The following CASQ1 variants were observed in gnomAD, a reference collection of about 807,000 sequenced individuals.
CASQ1 encodes calsequestrin-1.
A neutral mutation model predicts 49.5 loss-of-function variants in CASQ1; 40 were observed. The ratio of observed to expected loss-of-function variants is 0.81; its 90% confidence interval spans 0.63 to 1.05. CASQ1 has a LOEUF of 1.05. Ranked by LOEUF, CASQ1 falls within the 50% of genes least tolerant of loss-of-function variation. CASQ1 has a pLI of 0.00. For synonymous variants in CASQ1, 174 were observed against 187.2 expected, an observed-to-expected ratio of 0.93 and a Z score of 0.58; for missense variants, 469 against 486.9, an observed-to-expected ratio of 0.96 and a Z score of 0.35.
chr1:160,194,545 C>T (rs1258352607), intron 3 of CASQ1, among the ~76,000 whole-genome samples: 1 of 148,928 alleles, frequency 6.7e-6, no homozygotes, highest in Non-Finnish European at 1.5e-5. Context: ...TGCGCACACA[C>T]ACACCACATG....
intron 10 of CASQ1, 37 bp from the exon 11 acceptor site, chr1:160,201,208 G>C: frequency 6.2e-7 from 1 of 1,602,578 alleles, no homozygotes; most frequent in South Asian, 1.1e-5. Flanking sequence ...GACCCGGGTT[G>C]GACTTAGCTT....
At chr1:160,198,872 G>A (rs1223181976) in intron 8 of CASQ1, 81 bp from the exon 9 acceptor site, 3 of 1,156,524 alleles carry the variant, frequency 2.6e-6, no homozygotes, top group Non-Finnish European at 3.9e-6. Flanking sequence ...GGGGAGCAGG[G>A]AGGTAGCTCT....
rs996084302 is a variant in CASQ1 at position 160,199,137 on chromosome 1, G to C, written c.984+84G>C. 8.8e-5 allele frequency: 80 copies of C among 906,612 alleles called. No homozygotes were observed. The African/African-American group carries it at 9.6e-4, about 11-fold the overall frequency. 56.2% of individuals were successfully genotyped at this position (906,612 alleles called of 1,614,324 possible). On this transcript the variant is annotated intron_variant, in intron 9 of 10. Transcript: ENST00000368078. ...TCTTAGTGAGGGCTTTGTTTCAGAG[G>C]TCCCATCCCCACCTCCTAGCTGGGG...
intron 4 of CASQ1, 60 bp from the exon 5 acceptor site, chr1:160,195,401 G>A (rs1035006866): frequency 6.8e-7 from 1 of 1,479,142 alleles, no homozygotes; most frequent in Non-Finnish European, 9.5e-7. Context: ...CGATAGTGGG[G>A]GATGATTCCC....
chr1:160,194,126 C>G (rs1046010621), intron 3 of CASQ1, among the ~76,000 whole-genome samples: 10 of 149,686 alleles, frequency 6.7e-5, no homozygotes, highest in Admixed American at 5.3e-4. Flanking sequence ...ACCACACACA[C>G]TACACACACC....
At chr1:160,195,660 C>CA (rs1197567003) in intron 5 of CASQ1, 126 bp downstream of exon 5, 9 of 815,886 alleles carry the variant, frequency 1.1e-5, no homozygotes, top group South Asian at 4.9e-5. Context: ...CTGCCCCCCC[C>CA]CCCGGCTCCT....
At position 160,197,556 on chromosome 1, in the gene CASQ1, C is replaced by T; in HGVS notation, c.783-13C>T. 1.2e-6 allele frequency: 2 copies of T among 1,603,050 alleles called. No homozygotes were observed. The highest frequency in any genetic ancestry group is 1.7e-6 in the Non-Finnish European group (2 of 1,169,920). On this transcript the variant is annotated splice_polypyrimidine_tract_variant and intron_variant, in intron 6 of 10. Transcript: ENST00000368078. Reference sequence around the variant, plus strand: ...AACCCACTGAGTAATGACACTCTGTCTGTCTCTTCTAGATCAACCCTGAGG... The same window carrying T: ...AACCCACTGAGTAATGACACTCTGTTTGTCTCTTCTAGATCAACCCTGAGG...
intron 9 of CASQ1, 56 bp from the exon 10 acceptor site, chr1:160,199,795 T>C: frequency 8.2e-7 from 1 of 1,213,152 alleles, no homozygotes; most frequent in Non-Finnish European, 1.2e-6. Flanking sequence ...CTCATCCTCC[T>C]GGATTCATGT....
chr1:160,199,938 T>C lies in CASQ1; in HGVS notation c.1059+13T>C. The C allele has an allele frequency of 6.3e-7, 1 of 1,592,010 alleles. No homozygotes were observed. The highest frequency in any genetic ancestry group is 8.6e-7 in the Non-Finnish European group (1 of 1,159,820). On this transcript the variant is annotated intron_variant, in intron 10 of 10. Transcript: ENST00000368078. ...CAATGTTACTGATGTGAGTTTCCTGTCCTCATCCCGGGTTGACCCCCGACT... is the reference window on the plus strand; with the variant it reads ...CAATGTTACTGATGTGAGTTTCCTGCCCTCATCCCGGGTTGACCCCCGACT...
chr1:160,196,466 T>C (rs1654240700), intron 6 of CASQ1, among the ~76,000 whole-genome samples: 2 of 149,344 alleles, frequency 1.3e-5, no homozygotes, highest in Non-Finnish European at 2.9e-5. Context: ...TGTTCTTTTT[T>C]TCTTCTTCTT....
intron 3 of CASQ1, among the ~76,000 whole-genome samples, chr1:160,194,291 C>T (rs941426002): frequency 1.4e-5 from 2 of 146,118 alleles, no homozygotes; most frequent in Non-Finnish European, 1.5e-5. Flanking sequence ...ATCCATGCCA[C>T]GCAAATGCAC....
chr1:160,190,995 C>G lies in CASQ1; in HGVS notation c.244C>G (p.Gln82Glu), dbSNP rs762407330. ...ACCCCCCGAGGATGACAAGGCCTCA[C>G]AAAGACAATTTGAGATGGAGGAGCT... ...HEPPEDDKAS[Q>E]RQFEMEELIL... is the part of the protein sequence containing the mutation. Residue 82 changes from glutamine to glutamate, a missense_variant, in exon 1 of 11, where the codon CAA (glutamine) becomes GAA (glutamate). Gln to Glu is a conservative substitution (Grantham distance 29, BLOSUM62 2). Transcript: ENST00000368078. The G allele has an allele frequency of 1.9e-6, 3 of 1,614,124 alleles. No homozygotes were observed. In the South Asian group the frequency reaches 3.3e-5, roughly 18 times the overall value.
At chr1:160,194,271 C>T (rs1654152978) in intron 3 of CASQ1, among the ~76,000 whole-genome samples, 1 of 150,004 alleles carries the variant, frequency 6.7e-6, no homozygotes, top group South Asian at 2.1e-4. Context: ...CACACATGCA[C>T]ACACACCACA....
intron 3 of CASQ1, among the ~76,000 whole-genome samples, chr1:160,194,319 CAT>C (rs1271219155): frequency 1.4e-5 from 2 of 145,106 alleles, no homozygotes; most frequent in African/African-American, 2.6e-5. Flanking sequence ...ACACGCCACA[CAT>C]GTACACACAC....
At chr1:160,199,613 T>C (rs75486460) in intron 9 of CASQ1, among the ~76,000 whole-genome samples, 2,238 of 152,258 alleles carry the variant, frequency 0.015, 67 homozygotes, top group African/African-American at 0.052. Context: ...CCAGTTTTCC[T>C]CAGAAAAGAG....
At chr1:160,195,660 C>G (rs1017378275) in intron 5 of CASQ1, 126 bp downstream of exon 5, 20 of 815,890 alleles carry the variant, frequency 2.5e-5, no homozygotes, top group African/African-American at 5.2e-5. Context: ...CTGCCCCCCC[C>G]CCCGGCTCCT....
Position 160,199,763 on chromosome 1 carries a change from C to T in CASQ1, c.985-88C>T, listed in dbSNP as rs2275705. 7 of 887,936 alleles carry T rather than the reference C, an allele frequency of 7.9e-6. No individual in the cohort carries two copies. The East Asian group carries it at 9.8e-5, about 12-fold the overall frequency. The allele number at this position is 887,936 out of a possible 1,614,324, so 55.0% of individuals were successfully genotyped here. A position where few individuals can be genotyped will look rare whatever the true frequency, so the allele number is the denominator to read the frequency against. On this transcript the variant is annotated intron_variant, in intron 9 of 10. Transcript: ENST00000368078. ...CTGCCAGTTCGCACTGTCCCCTCTCCATCCCTGGGCTGACCCTCACACTCA... is the reference window on the plus strand; with the variant it reads ...CTGCCAGTTCGCACTGTCCCCTCTCTATCCCTGGGCTGACCCTCACACTCA...
At chr1:160,195,658 C>T (rs1031681276) in intron 5 of CASQ1, 124 bp downstream of exon 5, 5 of 825,726 alleles carry the variant, frequency 6.1e-6, no homozygotes, top group Non-Finnish European at 7.9e-6. Flanking sequence ...ACCTGCCCCC[C>T]CCCCCGGCTC....
Position 160,199,888 on chromosome 1 carries a change from T to G in CASQ1, c.1022T>G (p.Leu341Trp). Residue 341 changes from leucine (L) to tryptophan (W), a missense_variant, in exon 10 of 11, where the codon TTG (leucine) becomes TGG (tryptophan). Leu to Trp is a moderately conservative substitution (Grantham distance 61, BLOSUM62 -2). Transcript: ENST00000368078. ...PYWEKTFDID[L>W]SAPQIGVVNV... ...TGGGAGAAGACGTTTGACATCGACT[T>G]GTCAGCCCCACAAATAGGAGTCGTC... 6.2e-7 allele frequency: 1 copy of G among 1,613,854 alleles called. No homozygotes were observed. Among genetic ancestry groups the G allele is most frequent in the Non-Finnish European group, 8.5e-7 (1 of 1,179,704 alleles).
Sources: gnomAD v4.1 joint callset for allele counts (sites outside exome capture counted in the v4.1 genomes callset) on GRCh38, gnomAD v4.1.1 for gene constraint, MANE v1.5 for transcripts, NCBI Gene and HGNC (gene_info 2026-07-23, HGNC 2026-07-21) for gene names.